The following GPM6B variants were observed in gnomAD, a reference collection of about 807,000 sequenced individuals.
The protein encoded by GPM6B is neuronal membrane glycoprotein M6-b.
Under a neutral mutation model 27.2 loss-of-function variants are expected in GPM6B, and 4 were observed. That is an observed-to-expected ratio of 0.15 (90% CI 0.07 to 0.34). The LOEUF is 0.34. Ranked by LOEUF, GPM6B falls within the 10% of genes least tolerant of loss-of-function variation. GPM6B has a pLI of 1.00. For synonymous variants in GPM6B, 124 were observed against 103.1 expected, an observed-to-expected ratio of 1.20 and a Z score of -1.23; for missense variants, 183 against 261.9, an observed-to-expected ratio of 0.70 and a Z score of 2.08.
At chrX:13,896,817 C>T (rs2050237456) in intron 1 of GPM6B, among the ~76,000 whole-genome samples, 1 of 111,861 alleles carries the variant, frequency 8.9e-6, no homozygotes, top group South Asian at 3.7e-4. Flanking sequence ...ATCCACCTGC[C>T]TCGGCCTCCC....
chrX:13,923,347 G>C (rs1170348975), intron 1 of GPM6B, among the ~76,000 whole-genome samples: 1 of 111,927 alleles, frequency 8.9e-6, no homozygotes, highest in Non-Finnish European at 1.9e-5. Flanking sequence ...TTTCCAAAGA[G>C]ATGTTTTAGG....
chrX:13,919,284 G>C (rs2050456279), intron 1 of GPM6B, among the ~76,000 whole-genome samples: 1 of 112,151 alleles, frequency 8.9e-6, no homozygotes, highest in African/African-American at 3.2e-5. Flanking sequence ...TTCATATTAG[G>C]ATGAACTCAA....
At chrX:13,839,826 G>A (rs1052659787) in intron 1 of GPM6B, among the ~76,000 whole-genome samples, 2 of 111,991 alleles carry the variant, frequency 1.8e-5, no homozygotes, top group Admixed American at 9.5e-5. Context: ...TGTAGATACT[G>A]ACAAGCTGAT....
chrX:13,792,187 T>G (rs968023421), intron 2 of GPM6B, among the ~76,000 whole-genome samples: 16 of 111,297 alleles, frequency 1.4e-4, no homozygotes, highest in Non-Finnish European at 1.7e-4. Flanking sequence ...CAGGGGACAT[T>G]TGGCAATATC....
At chrX:13,817,376 TC>T, upstream of GPM6B, 1 of 752,016 alleles carries the variant, frequency 1.3e-6, no homozygotes, top group Non-Finnish European at 1.6e-6. Context: ...TAATTAATTC[TC>T]CCAGGAAAAA....
At chrX:13,896,982 A>C (rs1245590483) in intron 1 of GPM6B, among the ~76,000 whole-genome samples, 2 of 112,445 alleles carry the variant, frequency 1.8e-5, no homozygotes, top group East Asian at 5.5e-4. Flanking sequence ...CAGTTCATTA[A>C]CTTGATTTTA....
chrX:13,884,077 C>T (rs1422927994), intron 1 of GPM6B, among the ~76,000 whole-genome samples: 4 of 110,582 alleles, frequency 3.6e-5, no homozygotes, highest in Non-Finnish European at 7.6e-5. Flanking sequence ...CTCAGGGGGA[C>T]TGAGACAGGA....
chrX:13,865,571 G>GAAAGA (rs1555923758), intron 1 of GPM6B, among the ~76,000 whole-genome samples: 107 of 54,450 alleles, frequency 2.0e-3, no homozygotes, highest in East Asian at 3.7e-3. Flanking sequence ...AAGAAAGAAA[G>GAAAGA]AAAGAAAAGA....
intron 4 of GPM6B, among the ~76,000 whole-genome samples, chrX:13,782,764 AAAAAAAAAAG>A (rs1187946016): frequency 2.8e-5 from 2 of 71,633 alleles, no homozygotes; most frequent in East Asian, 5.3e-4. Flanking sequence ...TCTCAAAAAA[AAAAAAAAAAG>A]AAAAAAAAAA....
At chrX:13,884,587 C>T (rs1436385571) in intron 1 of GPM6B, among the ~76,000 whole-genome samples, 1 of 112,335 alleles carries the variant, frequency 8.9e-6, no homozygotes, top group Non-Finnish European at 1.9e-5. Flanking sequence ...ATCGATAATG[C>T]AAACTCTCTA....
chrX:13,835,628 G>A (rs958476801), intron 1 of GPM6B, among the ~76,000 whole-genome samples: 3 of 112,133 alleles, frequency 2.7e-5, no homozygotes, highest in Admixed American at 1.9e-4. Flanking sequence ...TGAGGATGTA[G>A]TAAACAGATG....
At chrX:13,843,974 T>TA (rs2049613114) in intron 1 of GPM6B, among the ~76,000 whole-genome samples, 2 of 112,245 alleles carry the variant, frequency 1.8e-5, no homozygotes, top group Non-Finnish European at 3.8e-5. Context: ...AACCACTGTC[T>TA]AAACCAAGGT....
intron 2 of GPM6B, among the ~76,000 whole-genome samples, chrX:13,786,355 C>T (rs1189916895): frequency 1.8e-5 from 2 of 111,759 alleles, no homozygotes; most frequent in Admixed American, 9.5e-5. Flanking sequence ...GCAATTATGC[C>T]GTCGCCAGGT....
intron 1 of GPM6B, among the ~76,000 whole-genome samples, chrX:13,915,850 T>C (rs1417150152): frequency 8.9e-6 from 1 of 112,402 alleles, no homozygotes; most frequent in Non-Finnish European, 1.9e-5. Context: ...TGTGTGTATA[T>C]ATCCCTTCAT....
At chrX:13,798,833 T>C (rs1434786746) in intron 2 of GPM6B, among the ~76,000 whole-genome samples, 2 of 112,488 alleles carry the variant, frequency 1.8e-5, no homozygotes, top group African/African-American at 3.2e-5. Flanking sequence ...CTGTGCACTG[T>C]AGGATGTTTA....
intron 2 of GPM6B, among the ~76,000 whole-genome samples, chrX:13,790,125 A>C (rs1004683349): frequency 2.7e-5 from 3 of 112,207 alleles, no homozygotes; most frequent in African/African-American, 9.7e-5. Flanking sequence ...AAGTGCTGCA[A>C]TTACAGGTGT....
intron 1 of GPM6B, among the ~76,000 whole-genome samples, chrX:13,837,723 G>A (rs1334269236): frequency 1.2e-5 from 1 of 86,025 alleles, no homozygotes; most frequent in Non-Finnish European, 2.4e-5. Flanking sequence ...GGGGGGGGGG[G>A]GGGGGAAGCA....
At chrX:13,786,129 TG>T (rs1348566074) in intron 2 of GPM6B, among the ~76,000 whole-genome samples, 1 of 112,482 alleles carries the variant, frequency 8.9e-6, no homozygotes. Context: ...GACTGAGTGG[TG>T]GGGGGAGCCC....
chrX:13,780,065 A>AT (rs1215470279), intron 4 of GPM6B, 76 bp from the exon 5 acceptor site: 2 of 902,971 alleles, frequency 2.2e-6, no homozygotes, highest in South Asian at 5.7e-5. Flanking sequence ...AGGATTGTGC[A>AT]TTTTCAGGCC....
Sources: gnomAD v4.1 joint callset for allele counts (sites outside exome capture counted in the v4.1 genomes callset) on GRCh38, gnomAD v4.1.1 for gene constraint, MANE v1.5 for transcripts, NCBI Gene and HGNC (gene_info 2026-07-23, HGNC 2026-07-21) for gene names.